The following RORA variants were observed in gnomAD, a reference collection of about 807,000 sequenced individuals.
The protein encoded by RORA is RAR related orphan receptor A.
A neutral mutation model predicts 69.5 loss-of-function variants in RORA; 7 were observed. That is an observed-to-expected ratio of 0.10 (90% CI 0.06 to 0.19). The LOEUF (loss-of-function observed/expected upper bound fraction) is 0.19, where lower values mean the gene tolerates loss of function less well. Among genes scored for constraint, RORA ranks in the 10% least tolerant of loss-of-function variants. The probability of loss-of-function intolerance (pLI) is 1.00; values close to 1 mark genes in which losing one functional copy is unlikely to be tolerated. For synonymous variants in RORA, 261 were observed against 240.8 expected, an observed-to-expected ratio of 1.08 and a Z score of -0.78; for missense variants, 457 against 663.0, an observed-to-expected ratio of 0.69 and a Z score of 3.41.
intron 1 of RORA, among the ~76,000 whole-genome samples, chr15:61,133,370 G>GT (rs2079209279): frequency 6.6e-6 from 1 of 152,064 alleles, no homozygotes; most frequent in Non-Finnish European, 1.5e-5. Flanking sequence ...AATGATTGGA[G>GT]TAACAGTAAA....
At chr15:61,180,422 T>C (rs973360230) in intron 1 of RORA, among the ~76,000 whole-genome samples, 1 of 152,202 alleles carries the variant, frequency 6.6e-6, no homozygotes, top group Non-Finnish European at 1.5e-5. Flanking sequence ...CATGGTTCAG[T>C]GCTTATAACC....
chr15:60,706,272 G>A (rs1806635333), intron 1 of RORA: 1 of 152,174 alleles, frequency 6.6e-6, no homozygotes, highest in African/African-American at 2.4e-5. Context: ...GGACAGCATG[G>A]GTAGTACGGA....
At chr15:61,017,033 T>A (rs1895316035) in intron 1 of RORA, among the ~76,000 whole-genome samples, 1 of 152,230 alleles carries the variant, frequency 6.6e-6, no homozygotes, top group Non-Finnish European at 1.5e-5. Context: ...ATTATTATTA[T>A]CATTGATTAC....
intron 1 of RORA, among the ~76,000 whole-genome samples, chr15:60,803,116 C>T (rs1375739506): frequency 6.6e-6 from 1 of 152,130 alleles, no homozygotes; most frequent in Admixed American, 6.5e-5. Context: ...ATTTCCAAAC[C>T]TGGGCCATAA....
intron 1 of RORA, among the ~76,000 whole-genome samples, chr15:60,808,937 C>T (rs1005280024): frequency 2.6e-5 from 4 of 152,014 alleles, no homozygotes; most frequent in South Asian, 2.1e-4. Flanking sequence ...AACCAAACAT[C>T]GTATGTTCTC....
intron 1 of RORA, among the ~76,000 whole-genome samples, chr15:60,776,598 G>A (rs1229324751): frequency 6.6e-6 from 1 of 152,218 alleles, no homozygotes; most frequent in Non-Finnish European, 1.5e-5. Flanking sequence ...GCAGAGCGTA[G>A]ATCCTGCACT....
intron 1 of RORA, among the ~76,000 whole-genome samples, chr15:60,857,698 C>G (rs1265692840): frequency 1.3e-5 from 2 of 152,182 alleles, no homozygotes; most frequent in East Asian, 3.8e-4. Flanking sequence ...AGCCGTGTAA[C>G]CAACTCCAGA....
chr15:60,868,369 G>C (rs1362620448), intron 1 of RORA, among the ~76,000 whole-genome samples: 1 of 152,182 alleles, frequency 6.6e-6, no homozygotes, highest in Non-Finnish European at 1.5e-5. Context: ...GTATAAGTTG[G>C]TACATGTCAA....
chr15:61,012,520 AC>A (rs1296108135), intron 1 of RORA, among the ~76,000 whole-genome samples: 1 of 152,250 alleles, frequency 6.6e-6, no homozygotes, highest in East Asian at 1.9e-4. Context: ...TATAATTCAA[AC>A]AAAATTCATG....
chr15:60,814,982 A>AT (rs2072789774), intron 1 of RORA, among the ~76,000 whole-genome samples: 1 of 152,168 alleles, frequency 6.6e-6, no homozygotes, highest in Non-Finnish European at 1.5e-5. Flanking sequence ...ATCTGAATCC[A>AT]TGTTCAAAAG....
chr15:60,698,907 C>T (rs1018087677), intron 1 of RORA, among the ~76,000 whole-genome samples: 3 of 152,010 alleles, frequency 2.0e-5, no homozygotes, highest in African/African-American at 7.2e-5. Context: ...AGTTTCTTGA[C>T]TTTTGTATTT....
intron 1 of RORA, among the ~76,000 whole-genome samples, chr15:61,110,523 T>G (rs950474442): frequency 3.3e-5 from 5 of 152,230 alleles, no homozygotes; most frequent in African/African-American, 1.2e-4. Flanking sequence ...AGTGTACTCT[T>G]ATTTTTTTTA....
chr15:61,175,803 T>C (rs2140898368), intron 1 of RORA, among the ~76,000 whole-genome samples: 1 of 152,322 alleles, frequency 6.6e-6, no homozygotes, highest in South Asian at 2.1e-4. Context: ...GCCACAAAGC[T>C]AAGTCTCAGA....
At chr15:60,525,230 T>C (rs943704303) in intron 3 of RORA, among the ~76,000 whole-genome samples, 10 of 152,310 alleles carry the variant, frequency 6.6e-5, no homozygotes, top group Admixed American at 6.5e-4. Flanking sequence ...GTCAGATAAA[T>C]TTTAAAAGCC....
intron 2 of RORA, among the ~76,000 whole-genome samples, chr15:60,665,780 T>A (rs1352852067): frequency 6.6e-6 from 1 of 152,132 alleles, no homozygotes; most frequent in Non-Finnish European, 1.5e-5. Flanking sequence ...GTTCAAGCAA[T>A]TCTCGTGCCT....
At chr15:61,179,985 C>CAA (rs570290376) in intron 1 of RORA, among the ~76,000 whole-genome samples, 21 of 143,154 alleles carry the variant, frequency 1.5e-4, no homozygotes, top group South Asian at 2.3e-4. Flanking sequence ...AAAAAAAAAA[C>CAA]AAAAAAAAAA....
chr15:60,635,254 G>C (rs2069814653), intron 2 of RORA, among the ~76,000 whole-genome samples: 1 of 152,158 alleles, frequency 6.6e-6, no homozygotes, highest in South Asian at 2.1e-4. Context: ...AGGATAATGT[G>C]CTGTTTTAAC....
chr15:60,623,706 G>A (rs971963678), intron 2 of RORA, among the ~76,000 whole-genome samples: 1 of 152,194 alleles, frequency 6.6e-6, no homozygotes, highest in Admixed American at 6.5e-5. Flanking sequence ...GATACAGAGG[G>A]GGATGAAAGC....
chr15:60,797,975 C>T (rs2072521659), intron 1 of RORA, among the ~76,000 whole-genome samples: 1 of 152,218 alleles, frequency 6.6e-6, no homozygotes, highest in African/African-American at 2.4e-5. Context: ...AAGATTAATA[C>T]GATCATCACT....
Sources: allele counts gnomAD v4.1 joint callset (sites outside exome capture counted in the v4.1 genomes callset), GRCh38; gene constraint gnomAD v4.1.1; transcripts MANE v1.5; gene names NCBI Gene and HGNC (gene_info 2026-07-23, HGNC 2026-07-21).